Variants in PLCXD2 observed in about 807,000 individuals in gnomAD.
The protein encoded by PLCXD2 is PI-PLC X domain-containing protein 2.
Under a neutral mutation model 28.6 loss-of-function variants are expected in PLCXD2, and 21 were observed. That is an observed-to-expected ratio of 0.73 (90% CI 0.52 to 1.06). The LOEUF is 1.06. Ranked by LOEUF, PLCXD2 falls within the 50% of genes least tolerant of loss-of-function variation. The pLI is 0.00. For missense variants in PLCXD2, 369 were observed against 376.7 expected (o/e 0.98, Z 0.17); for synonymous variants, 140 against 150.1 (o/e 0.93, Z 0.49).
chr3:111,718,530 T>C (rs1239924807), intron 3 of PLCXD2, among the ~76,000 whole-genome samples: 3 of 92,004 alleles, frequency 3.3e-5, no homozygotes, highest in African/African-American at 1.2e-4. Context: ...GATAGATAGA[T>C]AGATTGATTG....
At chr3:111,692,590 T>C (rs1174821490) in intron 1 of PLCXD2, 3 of 152,040 alleles carry the variant, frequency 2.0e-5, no homozygotes, top group Non-Finnish European at 4.4e-5. Context: ...TGAAAGAAAA[T>C]ATTTGAAAAC....
chr3:111,683,462 T>C (rs1437516046), intron 1 of PLCXD2, among the ~76,000 whole-genome samples: 2 of 152,092 alleles, frequency 1.3e-5, no homozygotes, highest in African/African-American at 4.8e-5. Flanking sequence ...CAGAAATGGG[T>C]GGAAAGTCCC....
chr3:111,682,935 G>A (rs1940738497), intron 1 of PLCXD2, among the ~76,000 whole-genome samples: 1 of 152,134 alleles, frequency 6.6e-6, no homozygotes, highest in African/African-American at 2.4e-5. Context: ...TTAAAAAATT[G>A]TATTCATTTA....
chr3:111,685,967 C>T (rs879402203), intron 1 of PLCXD2, among the ~76,000 whole-genome samples: 5 of 152,266 alleles, frequency 3.3e-5, no homozygotes, highest in South Asian at 4.1e-4. Flanking sequence ...AATCATAGGA[C>T]GTTGGAGCTA....
chr3:111,678,398 T>C (rs1203728361), intron 1 of PLCXD2, among the ~76,000 whole-genome samples: 1 of 152,242 alleles, frequency 6.6e-6, no homozygotes, highest in Non-Finnish European at 1.5e-5. Context: ...AGCTTTAAAC[T>C]CTACAAACAT....
At chr3:111,690,657 T>A (rs1028260393) in intron 1 of PLCXD2, among the ~76,000 whole-genome samples, 2 of 152,192 alleles carry the variant, frequency 1.3e-5, no homozygotes, top group South Asian at 2.1e-4. Flanking sequence ...TTCATGTAAT[T>A]TAAACTGCTA....
chr3:111,687,713 G>A (rs1406386153), intron 1 of PLCXD2, among the ~76,000 whole-genome samples: 1 of 148,552 alleles, frequency 6.7e-6, no homozygotes, highest in Non-Finnish European at 1.5e-5. Flanking sequence ...TTGAGACAGG[G>A]TCTTGCTCTG....
At chr3:111,722,055 T>C (rs925359236) in intron 3 of PLCXD2, 6 of 152,216 alleles carry the variant, frequency 3.9e-5, no homozygotes, top group African/African-American at 9.7e-5. Context: ...CTTCTCTTGA[T>C]GGTTCTACTT....
Position 111,675,324 on chromosome 3 carries a change from T to A in PLCXD2, c.79T>A (p.Ser27Thr). The A allele has an allele frequency of 6.2e-7, 1 of 1,614,092 alleles. No homozygotes were observed. Among genetic ancestry groups the A allele is most frequent in the Non-Finnish European group, 8.5e-7 (1 of 1,179,996 alleles). ...CCCCAACCCCAGCGGGACAAAGACA[T>A]CATCGGAGGTCTGCAATGCCGACTG... The change falls in exon 1 of 5, where the codon TCA becomes ACA. Residue 27 changes from serine (S) to threonine (T), a missense_variant. Coordinates refer to ENST00000477665, the MANE Select transcript of PLCXD2 (RefSeq NM_001185106.1).
At chr3:111,721,658 T>A (rs751436711) in intron 3 of PLCXD2, 1 of 152,252 alleles carries the variant, frequency 6.6e-6, no homozygotes, top group Non-Finnish European at 1.5e-5. Flanking sequence ...GAGATAGATA[T>A]GCATGTTTGC....
At chr3:111,691,753 G>A (rs1940881499) in intron 1 of PLCXD2, among the ~76,000 whole-genome samples, 1 of 152,120 alleles carries the variant, frequency 6.6e-6, no homozygotes, top group Admixed American at 6.5e-5. Context: ...TATGTCCCGG[G>A]CAGCCACATG....
At position 111,707,950 on chromosome 3, in the gene PLCXD2, G is replaced by C; in HGVS notation, c.188G>C (p.Trp63Ser). Residue 63 changes from tryptophan to serine, a missense_variant, in exon 2 of 5, where the codon TGG (tryptophan) becomes TCG (serine). Coordinates refer to ENST00000477665, the MANE Select transcript of PLCXD2 (RefSeq NM_001185106.1). ...GGCTCACATGATTCATTCAGCTACT[G>C]GGTGGATGAAAAGTCCCCAGTGGGG... is the stretch of plus-strand genomic sequence containing the variant. The C allele has an allele frequency of 6.2e-7, 1 of 1,613,884 alleles. No homozygotes were observed. The highest frequency in any genetic ancestry group is 1.3e-5 in the African/African-American group (1 of 75,022).
chr3:111,702,173 G>A (rs759292025), intron 1 of PLCXD2, among the ~76,000 whole-genome samples: 15 of 152,100 alleles, frequency 9.9e-5, no homozygotes, highest in Admixed American at 3.3e-4. Context: ...CAATAAAGAC[G>A]AGTCAAAAAA....
At chr3:111,711,763 G>A (rs1339678751) in intron 2 of PLCXD2, among the ~76,000 whole-genome samples, 3 of 152,152 alleles carry the variant, frequency 2.0e-5, no homozygotes, top group Non-Finnish European at 4.4e-5. Flanking sequence ...TAGGGAATAC[G>A]AAACAACTGA....
At chr3:111,715,275 T>G (rs1225233328) in intron 3 of PLCXD2, among the ~76,000 whole-genome samples, 1 of 152,238 alleles carries the variant, frequency 6.6e-6, no homozygotes, top group Non-Finnish European at 1.5e-5. Context: ...GAAGCTTTAT[T>G]GTTTTAATAA....
chr3:111,688,902 T>C (rs1940834945), intron 1 of PLCXD2, among the ~76,000 whole-genome samples: 1 of 151,966 alleles, frequency 6.6e-6, no homozygotes, highest in Non-Finnish European at 1.5e-5. Flanking sequence ...GTTATATATA[T>C]ATATAGCTAT....
chr3:111,693,206 G>C (rs918605759), intron 1 of PLCXD2, among the ~76,000 whole-genome samples: 3 of 152,156 alleles, frequency 2.0e-5, no homozygotes, highest in Non-Finnish European at 2.9e-5. Flanking sequence ...AGTTTGTGAG[G>C]CTTACCCCTG....
intron 1 of PLCXD2, chr3:111,692,567 A>T (rs1193376935): frequency 1.3e-5 from 2 of 152,224 alleles, no homozygotes; most frequent in Non-Finnish European, 2.9e-5. Context: ...ATATTTTTTT[A>T]AAAGCCTCTA....
intron 3 of PLCXD2, chr3:111,721,184 C>T (rs149707587): frequency 3.6e-4 from 66 of 185,846 alleles, no homozygotes; most frequent in Non-Finnish European, 4.7e-4. Flanking sequence ...ATCTCTAGGA[C>T]CCATTGGGGT....
Sources: gnomAD v4.1 joint callset for allele counts (sites outside exome capture counted in the v4.1 genomes callset) on GRCh38, gnomAD v4.1.1 for gene constraint, MANE v1.5 for transcripts, NCBI Gene and HGNC (gene_info 2026-07-23, HGNC 2026-07-21) for gene names.